TMEM132A: variants seen among roughly 807,000 people sequenced by gnomAD.
The protein encoded by TMEM132A is GRP78-binding protein.
Under a neutral mutation model 69.9 loss-of-function variants are expected in TMEM132A, and 48 were observed. The ratio of observed to expected loss-of-function variants is 0.69; its 90% CI spans 0.55 to 0.87. The LOEUF (loss-of-function observed/expected upper bound fraction) is 0.87. Among genes scored for constraint, TMEM132A ranks in the 40% least tolerant of loss-of-function variants. The probability of loss-of-function intolerance (pLI) is 0.00; values close to 1 mark genes in which losing one functional copy is unlikely to be tolerated. For missense variants in TMEM132A, 1,287 were observed against 1,407.2 expected, an observed-to-expected ratio of 0.91 and a Z score of 1.37; for synonymous variants, 577 against 613.7, an observed-to-expected ratio of 0.94 and a Z score of 0.88.
rs1856379783 is a variant in TMEM132A at position 60,927,746 on chromosome 11, G to T, written c.421G>T (p.Val141Phe). The T allele has an allele frequency of 6.2e-7, 1 of 1,613,460 alleles. No homozygotes were observed. The highest frequency in any genetic ancestry group is 2.2e-5 in the East Asian group (1 of 44,886). ...GACTCCAGCAGAGCCCTACGCCCGGGTTCTCTTCCACCTCAAAGGGCAGGA... is the reference window on the plus strand; with the variant it reads ...GACTCCAGCAGAGCCCTACGCCCGGTTTCTCTTCCACCTCAAAGGGCAGGA... ...AVTPAEPYAR[V>F]LFHLKGQDWP... The change falls in exon 3 of 11, where the codon GTT becomes TTT. Residue 141 changes from valine to phenylalanine, a missense_variant. By Grantham distance (50) the Val-to-Phe change is conservative (BLOSUM62 -1). Coordinates refer to ENST00000453848, the MANE Select transcript of TMEM132A (RefSeq NM_178031.3).
rs146870859 is a variant in TMEM132A, at chr11:60,936,711, G to A, written c.2876G>A (p.Arg959Gln). The A allele has an allele frequency of 5.5e-4, 872 of 1,577,042 alleles. 2 individuals carry two copies. The highest frequency in any genetic ancestry group is 7.0e-4 in the Non-Finnish European group (818 of 1,162,074). ...CTGGCCCGAAAGGAGGCTGGGGGGC[G>A]GCGGAAGCGAGTAGAGTTTGTGACA... ...STLARKEAGG[R>Q]RKRVEFVTFA... The change falls in exon 11 of 11, where the codon CGG (arginine) becomes CAG (glutamine). Residue 959 changes from arginine (R) to glutamine (Q), a missense_variant. Physicochemically the swap from Arg to Gln is conservative, Grantham distance 43. Transcript: ENST00000453848.
At position 60,936,284 on chromosome 11, in the gene TMEM132A, G is replaced by C; in HGVS notation, c.2449G>C (p.Glu817Gln). 2 of 1,613,884 alleles carry C rather than the reference G, an allele frequency of 1.2e-6. No individual in the cohort carries two copies. The highest frequency in any genetic ancestry group is 1.7e-6 in the Non-Finnish European group (2 of 1,179,814). The change falls in exon 11 of 11, where the codon GAG (glutamate) becomes CAG (glutamine). Residue 817 changes from glutamate (E) to glutamine (Q), a missense_variant. By Grantham distance (29) the Glu-to-Gln change is conservative. Transcript: ENST00000453848. ...GGGCAAGTTTGAGCGGGCAGAGGAG[G>C]AGGCCAGGAAGGAGGAGACCGAAGC... Reference protein sequence around the residue: ...VRGKFERAEEEARKEETEARE... With the variant: ...VRGKFERAEEQARKEETEARE...
chr11:60,936,004 G>A lies in TMEM132A; in HGVS notation c.2169G>A (p.Gln723=). The change falls in exon 11 of 11, where the codon CAG becomes CAA. Residue 723 remains glutamine, a synonymous_variant. Coordinates refer to ENST00000453848, the MANE Select transcript of TMEM132A (RefSeq NM_178031.3). The part of the protein sequence containing the change: ...AILPAEEQGA[Q]LGVVVSGAGA... ...TGCCAGCTGAGGAGCAGGGTGCCCA[G>A]CTCGGGGTGGTGGTGAGTGGGGCAG... 2 of 1,608,400 alleles carry A rather than the reference G, an allele frequency of 1.2e-6. No individual in the cohort carries two copies. The highest frequency in any genetic ancestry group is 2.2e-5 in the South Asian group (2 of 90,794).
rs549256515 is a variant in TMEM132A, at chr11:60,935,953, C to T, written c.2118C>T (p.Val706=). 1.7e-5 allele frequency: 28 copies of T among 1,611,804 alleles called. No individual in the cohort carries two copies. The South Asian group carries it at 3.0e-4, about 17-fold the overall frequency. ...LYDRRDLGLS[V]SAEEPGAILP... ...ACCGCCGTGACCTGGGACTGTCCGT[C>T]TCAGCCGAGGAGCCTGGTGCCATCC... Residue 706 remains valine (V), a synonymous_variant, in exon 11 of 11, where the codon GTC becomes GTT. Coordinates refer to ENST00000453848, the MANE Select transcript of TMEM132A (RefSeq NM_178031.3). The surrounding 1 kb of genome is among the most constrained non-coding windows in gnomAD (Gnocchi z 5.0).
chr11:60,935,379 C>G lies in TMEM132A; in HGVS notation c.1964C>G (p.Thr655Ser). The change falls in exon 10 of 11, where the codon ACT becomes AGT. Residue 655 changes from threonine to serine, a missense_variant. Physicochemically the swap from Thr to Ser is moderately conservative, Grantham distance 58. Coordinates refer to ENST00000453848, the MANE Select transcript of TMEM132A (RefSeq NM_178031.3). This position sits in a 1 kb window ranked among gnomAD's most constrained non-coding sequence, Gnocchi z 5.0. ...ATCTCGCTGACCTTGAGCCGGGGCA[C>G]TGCCCACCCCGGGGAGGTCACAGCT... ...MGISLTLSRG[T>S]AHPGEVTATC... is the part of the protein sequence containing the mutation. The G allele has an allele frequency of 1.2e-6, 2 of 1,612,520 alleles. No individual in the cohort carries two copies. Among genetic ancestry groups the G allele is most frequent in the Non-Finnish European group, 1.7e-6 (2 of 1,179,554 alleles).
Position 60,936,737 on chromosome 11 carries a change from T to C in TMEM132A, c.2902T>C (p.Phe968Leu), listed in dbSNP as rs1174332274. Residue 968 changes from phenylalanine (F) to leucine (L), a missense_variant, in exon 11 of 11, where the codon TTT becomes CTT. Coordinates refer to ENST00000453848, the MANE Select transcript of TMEM132A (RefSeq NM_178031.3). ...GCGGAAGCGAGTAGAGTTTGTGACA[T>C]TTGCGCCAGCCCCTCCAGCCCAGTC... ...GRRKRVEFVT[F>L]APAPPAQSPE... 1 of 1,599,676 alleles carries C rather than the reference T, an allele frequency of 6.3e-7. No homozygotes were observed. Among genetic ancestry groups the C allele is most frequent in the South Asian group, 1.1e-5 (1 of 89,540 alleles).
rs755481377 is a variant in TMEM132A, at chr11:60,927,246, C to T, written c.143C>T (p.Ala48Val). 1 of 1,613,656 alleles carries T rather than the reference C, an allele frequency of 6.2e-7. No homozygotes were observed. Among genetic ancestry groups the T allele is most frequent in the East Asian group, 2.2e-5 (1 of 44,864 alleles). Reference protein sequence around the residue: ...QAPLDPVYLPAALELLDAPEH... With the variant: ...QAPLDPVYLPVALELLDAPEH... ...CCCCTGGACCCTGTCTACCTGCCGG[C>T]AGCCCTGGAGCTCCTAGACGCCCCT... is the stretch of plus-strand genomic sequence containing the variant. Residue 48 changes from alanine (A) to valine (V), a missense_variant, in exon 2 of 11, where the codon GCA becomes GTA. Coordinates refer to ENST00000453848, the MANE Select transcript of TMEM132A (RefSeq NM_178031.3).
Position 60,928,953 on chromosome 11 carries a change from A to G in TMEM132A, c.859A>G (p.Thr287Ala), listed in dbSNP as rs866462182. The change falls in exon 4 of 11, where the codon ACC becomes GCC. Residue 287 changes from threonine (T) to alanine (A), a missense_variant. Coordinates refer to ENST00000453848, the MANE Select transcript of TMEM132A (RefSeq NM_178031.3). The part of the protein sequence containing the change: ...LRHNFTASLL[T>A]LRIKVKKGLH... ...GCACAACTTCACAGCCAGCCTCCTG[A>G]CCCTGCGGTGAGCACCAGGCCACGG... 1.2e-6 allele frequency: 2 copies of G among 1,612,164 alleles called. No homozygotes were observed. The highest frequency in any genetic ancestry group is 3.3e-4 in the Middle Eastern group (2 of 6,060).
At chr11:60,926,999 G>C in intron 1 of TMEM132A, 1 of 621,202 alleles carries the variant, frequency 1.6e-6, no homozygotes, top group East Asian at 2.8e-5. Context: ...ACTCAGATTC[G>C]AATCCTGGCT....
chr11:60,936,572 T>C lies in TMEM132A; in HGVS notation c.2737T>C (p.Ser913Pro). 2.5e-6 allele frequency: 4 copies of C among 1,606,744 alleles called. No homozygotes were observed. Among genetic ancestry groups the C allele is most frequent in the Non-Finnish European group, 3.4e-6 (4 of 1,176,672 alleles). Residue 913 changes from serine (S) to proline (P), a missense_variant, in exon 11 of 11, where the codon TCC becomes CCC. Physicochemically the swap from Ser to Pro is moderately conservative, Grantham distance 74. Transcript: ENST00000453848. ...ACTGAGCCGCCAGCTGGACCGGCAG[T>C]CCCCTGGCCCGCCCAAGGGGGAGGG... ...EELSRQLDRQ[S>P]PGPPKGEGSC...
intron 1 of TMEM132A, chr11:60,926,469 A>G (rs1445065481): frequency 6.6e-6 from 1 of 152,414 alleles, no homozygotes; most frequent in African/African-American, 2.4e-5. Context: ...TGCATATAGC[A>G]TTCACAAAAT....
rs1426556559 is a variant in TMEM132A at position 60,936,549 on chromosome 11, T to C, written c.2714T>C (p.Leu905Pro). 1 of 1,611,644 alleles carries C rather than the reference T, an allele frequency of 6.2e-7. No homozygotes were observed. Among genetic ancestry groups the C allele is most frequent in the Admixed American group, 1.7e-5 (1 of 59,972 alleles). ...WVWLGTDQEE[L>P]SRQLDRQSPG... ...TGGCTGGGCACTGACCAGGAGGAAC[T>C]GAGCCGCCAGCTGGACCGGCAGTCC... The change falls in exon 11 of 11, where the codon CTG becomes CCG. Residue 905 changes from leucine (L) to proline (P), a missense_variant. Physicochemically the swap from Leu to Pro is moderately conservative, Grantham distance 98 (BLOSUM62 -3). Transcript: ENST00000453848.
Position 60,935,457 on chromosome 11 carries a change from G to A in TMEM132A, c.2028+14G>A. 4 of 1,586,580 alleles carry A rather than the reference G, an allele frequency of 2.5e-6. No homozygotes were observed. The highest frequency in any genetic ancestry group is 3.4e-6 in the Non-Finnish European group (4 of 1,166,170). ...GCCCCAAAGCAGGTGACAGTTGGGG[G>A]GTCAGGGGGATGAGGTCAACATCTC... On this transcript the variant is annotated intron_variant, in intron 10 of 10. Transcript: ENST00000453848. The surrounding 1 kb of genome is among the most constrained non-coding windows in gnomAD (Gnocchi z 5.0).
chr11:60,936,127 G>T lies in TMEM132A; in HGVS notation c.2292G>T (p.Leu764=). The change falls in exon 11 of 11, where the codon CTG becomes CTT. Residue 764 remains leucine, a synonymous_variant. Transcript: ENST00000453848. ...RVPLASGTAW[L]GLPPASTPAP... is the part of the protein sequence containing the mutation. ...CTCTGGCCTCTGGCACCGCCTGGCTGGGGCTGCCCCCTGCCTCCACTCCAG... is the reference window on the plus strand; with the variant it reads ...CTCTGGCCTCTGGCACCGCCTGGCTTGGGCTGCCCCCTGCCTCCACTCCAG... The T allele has an allele frequency of 6.2e-7, 1 of 1,613,420 alleles. No individual in the cohort carries two copies. The highest frequency in any genetic ancestry group is 2.2e-5 in the East Asian group (1 of 44,846).
chr11:60,924,800 C>T (rs1272423502), intron 1 of TMEM132A, 67 bp downstream of exon 1: 23 of 1,167,938 alleles, frequency 2.0e-5, no homozygotes, highest in South Asian at 4.5e-5. Flanking sequence ...GAGTGATGCC[C>T]GGGAGCCACC....
rs756914665 is a variant in TMEM132A, at chr11:60,935,255, C to A, written c.1840C>A (p.Arg614Ser). ...TCCAGCTCCTTTCCACCCTCAGGTG[C>A]GTTCCCCACTGTCTGACTCCATCCT... is the stretch of plus-strand genomic sequence containing the variant. ...REPGVTSIEV[R>S]SPLSDSILGE... The change falls in exon 10 of 11, where the codon CGT (arginine) becomes AGT (serine). Residue 614 changes from arginine to serine, a missense_variant. Coordinates refer to ENST00000453848, the MANE Select transcript of TMEM132A (RefSeq NM_178031.3). This position sits in a 1 kb window ranked among gnomAD's most constrained non-coding sequence, Gnocchi z 5.0. 6.2e-7 allele frequency: 1 copy of A among 1,606,610 alleles called. No individual in the cohort carries two copies. Among genetic ancestry groups the A allele is most frequent in the Non-Finnish European group, 8.5e-7 (1 of 1,177,444 alleles).
At position 60,927,842 on chromosome 11, in the gene TMEM132A, C is replaced by A; in HGVS notation, c.517C>A (p.Gln173Lys). ...CACACACCCTGCCGGCACTGCTCAC[C>A]AAGCCTGCCGCTTCCAGGTGAGTAG... ...HATHPAGTAH[Q>K]ACRFQPSLGA... is the part of the protein sequence containing the mutation. Residue 173 changes from glutamine to lysine, a missense_variant, in exon 3 of 11, where the codon CAA (glutamine) becomes AAA (lysine). Physicochemically the swap from Gln to Lys is moderately conservative, Grantham distance 53. Coordinates refer to ENST00000453848, the MANE Select transcript of TMEM132A (RefSeq NM_178031.3). The A allele has an allele frequency of 6.2e-7, 1 of 1,609,492 alleles. No homozygotes were observed.
At chr11:60,931,614 A>T (rs1856480713) in intron 5 of TMEM132A, 75 bp from the exon 6 acceptor site, 3 of 1,430,406 alleles carry the variant, frequency 2.1e-6, no homozygotes, top group Non-Finnish European at 1.9e-6. Context: ...GGGGATAATC[A>T]TGAATGCAGG....
chr11:60,936,406 C>T lies in TMEM132A; in HGVS notation c.2571C>T (p.Phe857=). The T allele has an allele frequency of 6.2e-7, 1 of 1,614,184 alleles. No individual in the cohort carries two copies. Among genetic ancestry groups the T allele is most frequent in the Non-Finnish European group, 8.5e-7 (1 of 1,180,014 alleles). The change falls in exon 11 of 11, where the codon TTC becomes TTT. Residue 857 remains phenylalanine (F), a synonymous_variant. Transcript: ENST00000453848. ...GCATGTACGCCCTGCTGGGAGTCTT[C>T]TGCGTGGCCATCTTCATCTTCTTGG... is the stretch of plus-strand genomic sequence containing the variant. ...ELGMYALLGV[F]CVAIFIFLVN... is the part of the protein sequence containing the mutation.
Sources: allele counts gnomAD v4.1 joint callset, GRCh38; gene constraint gnomAD v4.1.1; non-coding constraint Gnocchi (gnomAD v3.1); transcripts MANE v1.5; gene names NCBI Gene and HGNC (gene_info 2026-07-23, HGNC 2026-07-21).